Variants in ISM1 observed in about 807,000 individuals in gnomAD.
The protein encoded by ISM1 is isthmin-1.
A neutral mutation model predicts 46.3 loss-of-function variants in ISM1; 25 were observed. The ratio of observed to expected loss-of-function variants is 0.54; its 90% CI spans 0.39 to 0.75. The LOEUF is 0.75. Among genes scored for constraint, ISM1 ranks in the 30% least tolerant of loss-of-function variants. ISM1 has a pLI of 0.00. For synonymous variants in ISM1, 255 were observed against 256.7 expected (o/e 0.99, Z 0.06); for missense variants, 536 against 625.4 (o/e 0.86, Z 1.52).
chr20:13,266,620 A>C (rs930832509), intron 1 of ISM1, among the ~76,000 whole-genome samples: 1 of 152,182 alleles, frequency 6.6e-6, no homozygotes, highest in African/African-American at 2.4e-5. Context: ...TTGTGGGTAA[A>C]GCAATATTTT....
intron 1 of ISM1, chr20:13,245,512 CA>C (rs1314307316): frequency 6.6e-6 from 1 of 152,210 alleles, no homozygotes; most frequent in Non-Finnish European, 1.5e-5. Flanking sequence ...GGGGATTGCA[CA>C]AGGCTGTGTA....
intron 1 of ISM1, among the ~76,000 whole-genome samples, chr20:13,253,120 C>T (rs543148675): frequency 5.0e-4 from 76 of 152,262 alleles, no homozygotes; most frequent in African/African-American, 1.8e-3. Flanking sequence ...TACTTGCTAC[C>T]CAAGCAGACC....
chr20:13,305,199 TAA>T (rs5840562), downstream of ISM1, among the ~76,000 whole-genome samples: 3,755 of 137,436 alleles, frequency 0.027, 125 homozygotes, highest in African/African-American at 0.077. Context: ...GTTGAGTTGT[TAA>T]AAAAAAAAAA....
In ISM1 at chr20:13,221,406, CCAG is replaced by C. The variant is rs1451466391; in HGVS notation, c.-367_-365del. Among the ~76,000 whole-genome samples the C allele has an allele frequency of 2.1e-5, 3 of 145,972 alleles. No individual in the cohort carries two copies. The highest frequency in any genetic ancestry group is 4.6e-5 in the Non-Finnish European group (3 of 65,218). On this transcript the variant is annotated 5_prime_UTR_variant, in exon 1 of 6. Transcript: ENST00000262487. Reference sequence around the variant, plus strand: ...CCGCCGCCGACCCCGCAGCCCCCTGCCAGCAGGGTGGCCTCCGGCCCGGCCCGG... The same window carrying C: ...CCGCCGCCGACCCCGCAGCCCCCTGCCAGGGTGGCCTCCGGCCCGGCCCGG...
chr20:13,294,139 G>C (rs1488008509), intron 5 of ISM1, among the ~76,000 whole-genome samples: 1 of 152,112 alleles, frequency 6.6e-6, no homozygotes, highest in Non-Finnish European at 1.5e-5. Context: ...CAGATGTTCT[G>C]GGTTTCTAAG....
the ISM1 span, among the ~76,000 whole-genome samples, chr20:13,326,622 AT>A: frequency 6.6e-6 from 1 of 152,120 alleles, no homozygotes; most frequent in East Asian, 1.9e-4. Flanking sequence ...GATGTTGAGC[AT>A]TTTTCATGTG....
intron 1 of ISM1, among the ~76,000 whole-genome samples, chr20:13,251,270 G>T (rs2039865386): frequency 6.6e-6 from 1 of 152,104 alleles, no homozygotes; most frequent in Non-Finnish European, 1.5e-5. Flanking sequence ...CCTTCCACAG[G>T]CATTGAATTC....
chr20:13,295,567 A>G (rs2040399234), intron 5 of ISM1, among the ~76,000 whole-genome samples: 1 of 152,152 alleles, frequency 6.6e-6, no homozygotes, highest in South Asian at 2.1e-4. Context: ...TGTCCATTAG[A>G]CACCTCCAAG....
At chr20:13,282,375 G>C (rs1036344756) in intron 3 of ISM1, among the ~76,000 whole-genome samples, 1 of 152,198 alleles carries the variant, frequency 6.6e-6, no homozygotes, top group African/African-American at 2.4e-5. Flanking sequence ...AAGGTCACCA[G>C]ATGATTCTCT....
chr20:13,233,510 GCTTGAA>G (rs1384889198), intron 1 of ISM1, among the ~76,000 whole-genome samples: 1 of 150,588 alleles, frequency 6.6e-6, no homozygotes, highest in Non-Finnish European at 1.5e-5. Flanking sequence ...CAGGAAAATT[GCTTGAA>G]CCAGGGAGCT....
At chr20:13,288,817 C>T in intron 4 of ISM1, 134 bp downstream of exon 4, 2 of 901,324 alleles carry the variant, frequency 2.2e-6, no homozygotes, top group South Asian at 3.6e-5. Context: ...CGGAGTCTCT[C>T]CCTGTCGCCC....
At chr20:13,248,316 T>A (rs1414200758) in intron 1 of ISM1, among the ~76,000 whole-genome samples, 2 of 152,216 alleles carry the variant, frequency 1.3e-5, no homozygotes, top group African/African-American at 4.8e-5. Context: ...GAGTATGAAC[T>A]GCATTGCTGG....
In ISM1 at chr20:13,292,362, G is replaced by A. The variant is rs759857505; in HGVS notation, c.788-12G>A. 1.3e-6 allele frequency: 2 copies of A among 1,565,254 alleles called. No individual in the cohort carries two copies. The highest frequency in any genetic ancestry group is 1.7e-6 in the Non-Finnish European group (2 of 1,146,504). On this transcript the variant is annotated splice_polypyrimidine_tract_variant and intron_variant, in intron 4 of 5. Coordinates refer to ENST00000262487, the MANE Select transcript of ISM1 (RefSeq NM_080826.2). The stretch of plus-strand genomic sequence containing the variant: ...TGTAATGATGGAAAAATGAGCTCTT[G>A]TCTGTGTTTAGGAATTGAAGACACT...
At chr20:13,305,432 C>A (rs79479279), downstream of ISM1, among the ~76,000 whole-genome samples, 83 of 152,198 alleles carry the variant, frequency 5.5e-4, no homozygotes, top group East Asian at 0.016. Context: ...TCCCGACACA[C>A]AAAGAGTTAT....
intron 3 of ISM1, among the ~76,000 whole-genome samples, chr20:13,285,674 G>C (rs561146483): frequency 6.6e-6 from 1 of 152,208 alleles, no homozygotes; most frequent in East Asian, 1.9e-4. Context: ...GAATCAGCCC[G>C]AGAGGGGAGT....
chr20:13,228,835 C>G (rs747720801), intron 1 of ISM1, among the ~76,000 whole-genome samples: 1 of 152,100 alleles, frequency 6.6e-6, no homozygotes, highest in Non-Finnish European at 1.5e-5. Context: ...TCTTCTCATA[C>G]TTTTATTTCT....
chr20:13,240,076 A>C (rs6134827), intron 1 of ISM1, among the ~76,000 whole-genome samples: 38,328 of 152,154 alleles, frequency 0.25, 4,920 homozygotes, highest in African/African-American at 0.31. Flanking sequence ...AAACTGCAGT[A>C]AGGCAAATGA....
At chr20:13,312,997 G>A in the ISM1 span, among the ~76,000 whole-genome samples, 5 of 152,124 alleles carry the variant, frequency 3.3e-5, no homozygotes, top group African/African-American at 1.2e-4. Context: ...TAAAATTTGA[G>A]CCTCATCTGC....
At chr20:13,259,757 C>T (rs910365618) in intron 1 of ISM1, among the ~76,000 whole-genome samples, 1 of 152,062 alleles carries the variant, frequency 6.6e-6, no homozygotes, top group Non-Finnish European at 1.5e-5. Context: ...TAGTCTGGGC[C>T]CTAATCAATA....
Sources: gnomAD v4.1 joint callset for allele counts (sites outside exome capture counted in the v4.1 genomes callset) on GRCh38, gnomAD v4.1.1 for gene constraint, MANE v1.5 for transcripts, NCBI Gene and HGNC (gene_info 2026-07-23, HGNC 2026-07-21) for gene names.